KCNK9: variants seen among roughly 807,000 people sequenced by gnomAD.
The protein encoded by KCNK9 is potassium channel subfamily K member 9.
A neutral mutation model predicts 10.8 loss-of-function variants in KCNK9; 1 was observed. That is an observed-to-expected ratio of 0.09 (90% confidence interval 0.03 to 0.44). The LOEUF is 0.44. Ranked by LOEUF, KCNK9 falls within the 20% of genes least tolerant of loss-of-function variation. The pLI is 0.97. For synonymous variants in KCNK9, 231 were observed against 222.7 expected (o/e 1.04, Z -0.33); for missense variants, 303 against 515.0 (o/e 0.59, Z 3.98).
At chr8:139,611,207 G>C (rs946073678), downstream of KCNK9, 8 of 152,286 alleles carry the variant, frequency 5.3e-5, no homozygotes, top group African/African-American at 1.9e-4. Context: ...GCTTGGCACA[G>C]AGCAGGTGCC....
Position 139,702,887 on chromosome 8 carries a change from G to T in KCNK9, c.106C>A (p.Arg36Ser). 7 of 1,613,796 alleles carry T rather than the reference G, an allele frequency of 4.3e-6. No individual in the cohort carries two copies. The highest frequency in any genetic ancestry group is 5.9e-6 in the Non-Finnish European group (7 of 1,179,934). The change falls in exon 1 of 2, where the codon CGC (arginine) becomes AGC (serine). Residue 36 changes from arginine (R) to serine (S), a missense_variant. Physicochemically the swap from Arg to Ser is moderately radical, Grantham distance 110 (BLOSUM62 -1). This residue lies in a region of KCNK9 where 58 missense variants were observed against 102.4 expected (regional missense o/e 0.57). Coordinates refer to ENST00000520439, the MANE Select transcript of KCNK9 (RefSeq NM_001282534.2). The surrounding 1 kb of genome is among the most constrained non-coding windows in gnomAD (Gnocchi z 7.5). ...FDALESDHEM[R>S]EEEKLKAEEI... Reference sequence around the variant, plus strand: ...TCGGCTTTGAGTTTCTCCTCCTCGCGCATCTCGTGGTCCGACTCGAGGGCG... The same window carrying T: ...TCGGCTTTGAGTTTCTCCTCCTCGCTCATCTCGTGGTCCGACTCGAGGGCG...
At chr8:139,701,422 T>C (rs1274331042) in intron 1 of KCNK9, among the ~76,000 whole-genome samples, 1 of 152,008 alleles carries the variant, frequency 6.6e-6, no homozygotes, top group Non-Finnish European at 1.5e-5. Flanking sequence ...CTGTTGCATA[T>C]GGCACTGAGA....
intron 1 of KCNK9, among the ~76,000 whole-genome samples, chr8:139,698,231 G>A (rs1395859044): frequency 6.6e-6 from 1 of 152,170 alleles, no homozygotes; most frequent in African/African-American, 2.4e-5. Context: ...AAGTGGGGGA[G>A]GTGAGTGCAT....
intron 1 of KCNK9, among the ~76,000 whole-genome samples, chr8:139,673,778 G>T (rs1029289372): frequency 7.2e-5 from 11 of 152,080 alleles, no homozygotes; most frequent in Non-Finnish European, 1.6e-4. Flanking sequence ...GGGCCCCTCA[G>T]GGTGCTCTTG....
chr8:139,652,003 C>G (rs1481522518), intron 1 of KCNK9, among the ~76,000 whole-genome samples: 1 of 152,098 alleles, frequency 6.6e-6, no homozygotes, highest in Non-Finnish European at 1.5e-5. Context: ...GACCTCCCAC[C>G]CTTGGCTGTC....
chr8:139,625,059 T>G (rs998003488), intron 1 of KCNK9, among the ~76,000 whole-genome samples: 1 of 152,004 alleles, frequency 6.6e-6, no homozygotes, highest in African/African-American at 2.4e-5. Flanking sequence ...ACCTGGCCCC[T>G]CCCAGAACTG....
chr8:139,657,861 C>A (rs961429907), intron 1 of KCNK9, among the ~76,000 whole-genome samples: 2 of 152,190 alleles, frequency 1.3e-5, no homozygotes, highest in African/African-American at 2.4e-5. Context: ...TCCCAGCGGT[C>A]CCCACCCACA....
intron 1 of KCNK9, among the ~76,000 whole-genome samples, chr8:139,662,178 ATCC>A (rs1816170079): frequency 6.6e-6 from 1 of 152,124 alleles, no homozygotes; most frequent in South Asian, 2.1e-4. Flanking sequence ...GGGCCTCCCC[ATCC>A]TCCTGAGGCC....
intron 1 of KCNK9, among the ~76,000 whole-genome samples, chr8:139,633,553 GCA>G (rs1027985774): frequency 1.8e-4 from 28 of 152,238 alleles, no homozygotes; most frequent in African/African-American, 5.8e-4. Context: ...AGGCACGCAT[GCA>G]CACACACTCA....
In KCNK9 at chr8:139,702,127, A is replaced by C. The variant is rs1224665660; in HGVS notation, c.283+583T>G. Among the ~76,000 whole-genome samples the C allele has an allele frequency of 6.6e-6, 1 of 152,086 alleles. No individual in the cohort carries two copies. Among genetic ancestry groups the C allele is most frequent in the African/African-American group, 2.4e-5 (1 of 41,422 alleles). ...GGGGCCTGGGAAGTCCAAGCTCCAGAACTGGAACTCAGGGGAAAAAAGGAG... is the reference window on the plus strand; with the variant it reads ...GGGGCCTGGGAAGTCCAAGCTCCAGCACTGGAACTCAGGGGAAAAAAGGAG... On this transcript the variant is annotated intron_variant, in intron 1 of 1. Transcript: ENST00000520439. This position sits in a 1 kb window ranked among gnomAD's most constrained non-coding sequence, Gnocchi z 7.5.
intron 1 of KCNK9, among the ~76,000 whole-genome samples, chr8:139,687,517 C>CAT (rs1284150732): frequency 5.5e-5 from 7 of 127,038 alleles, no homozygotes; most frequent in African/African-American, 2.2e-4. Context: ...TATGTATACA[C>CAT]ATATATTCAT....
intron 1 of KCNK9, among the ~76,000 whole-genome samples, chr8:139,680,237 G>C (rs766615563): frequency 7.2e-5 from 11 of 152,350 alleles, no homozygotes; most frequent in Non-Finnish European, 1.2e-4. Flanking sequence ...ACAAGTTCCC[G>C]TGTCTGGGTC....
chr8:139,664,266 C>T (rs1816241567), intron 1 of KCNK9, among the ~76,000 whole-genome samples: 1 of 152,264 alleles, frequency 6.6e-6, no homozygotes, highest in Middle Eastern at 3.4e-3. Context: ...TCTCTGCAGT[C>T]CTTTCCCTCC....
intron 1 of KCNK9, among the ~76,000 whole-genome samples, chr8:139,698,485 AAGAC>A (rs1817120481): frequency 6.6e-6 from 1 of 152,230 alleles, no homozygotes; most frequent in Non-Finnish European, 1.5e-5. Flanking sequence ...AAGCCCCTGT[AAGAC>A]AGGTTAAAAG....
chr8:139,687,449 C>T (rs142417385), intron 1 of KCNK9, among the ~76,000 whole-genome samples: 16,234 of 53,668 alleles, frequency 0.3, 3,714 homozygotes, highest in Non-Finnish European at 0.38. Context: ...TATATGTATA[C>T]ACATATATAT....
intron 1 of KCNK9, among the ~76,000 whole-genome samples, chr8:139,687,536 A>G (rs1210641959): frequency 1.5e-5 from 2 of 133,580 alleles, no homozygotes; most frequent in East Asian, 2.1e-4. Flanking sequence ...ATATATATGT[A>G]TACACATATA....
At chr8:139,662,368 G>A (rs545176340) in intron 1 of KCNK9, among the ~76,000 whole-genome samples, 17 of 152,328 alleles carry the variant, frequency 1.1e-4, no homozygotes, top group Middle Eastern at 3.4e-3. Context: ...GAGGGGACAC[G>A]CAGGTGGCCA....
chr8:139,684,445 G>T (rs770149249), intron 1 of KCNK9, among the ~76,000 whole-genome samples: 1 of 152,058 alleles, frequency 6.6e-6, no homozygotes, highest in African/African-American at 2.4e-5. Context: ...TATGTCTTTT[G>T]TTATAAGGCA....
At chr8:139,634,798 G>A (rs1815288813) in intron 1 of KCNK9, among the ~76,000 whole-genome samples, 1 of 152,198 alleles carries the variant, frequency 6.6e-6, no homozygotes. Flanking sequence ...TGGCTTGAGG[G>A]GAGCAGGAGG....
Sources: allele counts gnomAD v4.1 joint callset (sites outside exome capture counted in the v4.1 genomes callset), GRCh38; gene constraint gnomAD v4.1.1; regional missense constraint gnomAD v4.1.1; non-coding constraint Gnocchi (gnomAD v3.1); transcripts MANE v1.5; gene names NCBI Gene and HGNC (gene_info 2026-07-23, HGNC 2026-07-21).